The following ZMIZ1 variants were observed in gnomAD, a reference collection of about 807,000 sequenced individuals.
The protein encoded by ZMIZ1 is zinc finger MIZ domain-containing protein 1.
ZMIZ1 carries 17 observed loss-of-function variants against 113.9 expected under a neutral mutation model. The ratio of observed to expected loss-of-function variants is 0.15; its 90% CI spans 0.10 to 0.22. The LOEUF is 0.22. Ranked by LOEUF, ZMIZ1 falls within the 10% of genes least tolerant of loss-of-function variation. The pLI, the probability that ZMIZ1 is intolerant of heterozygous loss-of-function variation, is 1.00. For missense variants in ZMIZ1, 1,059 were observed against 1,477.8 expected (o/e 0.72, Z 4.65); for synonymous variants, 607 against 603.1 (o/e 1.01, Z -0.09).
rs1844169962 is a variant in ZMIZ1, at chr10:79,118,895, C to T, written c.-336-20C>T. On this transcript the variant is annotated intron_variant, in intron 1 of 24. Transcript: ENST00000334512. This position sits in a 1 kb window ranked among gnomAD's most constrained non-coding sequence, Gnocchi z 4.1. ...GGGTCAGAGCTTGGAGCTCACTGCC[C>T]CCTTTCTTGTCTCCCATAGGACTCA... 6.6e-6 allele frequency: 1 copy of T among 152,330 alleles called. No homozygotes were observed. Among genetic ancestry groups the T allele is most frequent in the Non-Finnish European group, 1.5e-5 (1 of 68,050 alleles). 9.4% of individuals were successfully genotyped at this position (152,330 alleles called of 1,614,324 possible). A position where few individuals can be genotyped will look rare whatever the true frequency, so the allele number is the denominator to read the frequency against.
intron 1 of ZMIZ1, among the ~76,000 whole-genome samples, chr10:79,108,915 GCACCC>G (rs1420922340): frequency 1.7e-4 from 26 of 152,018 alleles, no homozygotes; most frequent in African/African-American, 6.3e-4. Context: ...GCACATGCAT[GCACCC>G]AGACCCACGC....
intron 3 of ZMIZ1, among the ~76,000 whole-genome samples, chr10:79,148,763 C>G (rs1845594893): frequency 6.6e-6 from 1 of 152,210 alleles, no homozygotes; most frequent in African/African-American, 2.4e-5. Flanking sequence ...CTTGTAGTTC[C>G]TCCTGGGACA....
chr10:79,094,954 GA>G (rs763911221), intron 1 of ZMIZ1, among the ~76,000 whole-genome samples: 661 of 139,506 alleles, frequency 4.7e-3, no homozygotes, highest in African/African-American at 9.3e-3. Flanking sequence ...GCCCCTCCTG[GA>G]AAAAAAAAAA....
rs141930907 is a variant in ZMIZ1 at position 79,192,762 on chromosome 10, C to T, written c.-49-8822C>T. Among the ~76,000 whole-genome samples the T allele has an allele frequency of 1.5e-3, 230 of 152,340 alleles. 2 individuals carry two copies. The highest frequency in any genetic ancestry group is 5.4e-3 in the African/African-American group (225 of 41,578). ...TGCAGGCTCAGGAAGGTGAAATACC[C>T]TCCCACAACCTCATAGCCAGGAGGT... On this transcript the variant is annotated intron_variant, in intron 4 of 24. Coordinates refer to ENST00000334512, the MANE Select transcript of ZMIZ1 (RefSeq NM_020338.4).
rs761864817 is a variant in ZMIZ1 at position 79,312,683 on chromosome 10, T to C, written c.3138T>C (p.Tyr1046=). 5.0e-6 allele frequency: 8 copies of C among 1,614,222 alleles called. No individual in the cohort carries two copies. The South Asian group carries it at 7.7e-5, about 16-fold the overall frequency. ...CAAATCCTGACGAGCTCCTGTCTTA[T>C]CTGGACCCCCCCGACCTGCCGAGCA... The part of the protein sequence containing the change: ...ELTNPDELLS[Y]LDPPDLPSNS... The change falls in exon 25 of 25, where the codon TAT becomes TAC. Residue 1046 remains tyrosine, a synonymous_variant. Transcript: ENST00000334512.
intron 2 of ZMIZ1, among the ~76,000 whole-genome samples, chr10:79,128,288 C>T (rs1249345304): frequency 6.6e-6 from 1 of 152,202 alleles, no homozygotes; most frequent in Admixed American, 6.5e-5. Context: ...CTAGTACTCA[C>T]CTCTCCCTGC....
At chr10:79,155,100 C>T (rs1374293785) in intron 3 of ZMIZ1, among the ~76,000 whole-genome samples, 1 of 152,188 alleles carries the variant, frequency 6.6e-6, no homozygotes, top group Non-Finnish European at 1.5e-5. Flanking sequence ...AGAGCTGAGG[C>T]CTCTCTGATG....
At chr10:79,255,122 G>C (rs574542456) in intron 7 of ZMIZ1, among the ~76,000 whole-genome samples, 7 of 152,176 alleles carry the variant, frequency 4.6e-5, no homozygotes, top group African/African-American at 1.4e-4. Flanking sequence ...GAGGAGGTTC[G>C]GGTTTCTGCC....
At chr10:79,244,935 GGAAGGGTGAC>G (rs1850100919) in intron 7 of ZMIZ1, among the ~76,000 whole-genome samples, 1 of 152,152 alleles carries the variant, frequency 6.6e-6, no homozygotes, top group African/African-American at 2.4e-5. Flanking sequence ...GGGGTTGCGT[GGAAGGGTGAC>G]TCTTGGAGTC....
intron 6 of ZMIZ1, among the ~76,000 whole-genome samples, chr10:79,209,134 G>A (rs1848446069): frequency 1.3e-5 from 2 of 151,978 alleles, no homozygotes; most frequent in Non-Finnish European, 2.9e-5. Flanking sequence ...CCATGGGCAG[G>A]AGTCTGCAAA....
intron 22 of ZMIZ1, among the ~76,000 whole-genome samples, chr10:79,306,965 C>T (rs561672087): frequency 9.8e-5 from 15 of 152,326 alleles, no homozygotes; most frequent in Admixed American, 2.0e-4. Flanking sequence ...ACCAGGGAGG[C>T]GGAACAGCTG....
At chr10:79,260,472 G>A (rs566690063) in intron 7 of ZMIZ1, among the ~76,000 whole-genome samples, 6 of 152,304 alleles carry the variant, frequency 3.9e-5, no homozygotes, top group South Asian at 2.1e-4. Flanking sequence ...TGTCCAGGAC[G>A]AGAACCTTCC....
intron 3 of ZMIZ1, among the ~76,000 whole-genome samples, chr10:79,146,389 C>T (rs1336432414): frequency 6.6e-6 from 1 of 152,196 alleles, no homozygotes; most frequent in Non-Finnish European, 1.5e-5. Flanking sequence ...AAGGCAGAGC[C>T]GCTCCTGCTG....
chr10:79,114,277 A>G (rs1564658106), intron 1 of ZMIZ1, among the ~76,000 whole-genome samples: 1 of 152,242 alleles, frequency 6.6e-6, no homozygotes, highest in Non-Finnish European at 1.5e-5. Flanking sequence ...TCAATAATTT[A>G]ATACGCTCTC....
In ZMIZ1 at chr10:79,213,885, A is replaced by C. The variant is rs140891787; in HGVS notation, c.175-2284A>C. 3.6e-3 allele frequency among the ~76,000 whole-genome samples: 541 copies of C among 152,270 alleles called. 6 individuals carry two copies. Among genetic ancestry groups the C allele is most frequent in the African/African-American group, 0.012 (509 of 41,548 alleles). ...AATACCTATCTCGTGGAGCTGCTGA[A>C]AGAATTTGCACTTTGTTGCATACAA... On this transcript the variant is annotated intron_variant, in intron 6 of 24. Coordinates refer to ENST00000334512, the MANE Select transcript of ZMIZ1 (RefSeq NM_020338.4).
At chr10:79,307,009 C>T (rs1335937168) in intron 22 of ZMIZ1, among the ~76,000 whole-genome samples, 2 of 152,222 alleles carry the variant, frequency 1.3e-5, no homozygotes, top group East Asian at 3.9e-4. Context: ...TCTGCTGCAG[C>T]TTTCTTTGTG....
intron 1 of ZMIZ1, among the ~76,000 whole-genome samples, chr10:79,094,775 C>A (rs1843115922): frequency 6.6e-6 from 1 of 152,166 alleles, no homozygotes; most frequent in Non-Finnish European, 1.5e-5. Flanking sequence ...ACAGTGAAAC[C>A]CTGTCTTTAC....
In ZMIZ1 at chr10:79,215,611, T is replaced by C. The variant is rs78444303; in HGVS notation, c.175-558T>C. ...ACCACACCTGGCCTAAATCACTGCT[T>C]TAGATGAGATGCATGCTGACTCGGA... On this transcript the variant is annotated intron_variant, in intron 6 of 24. Coordinates refer to ENST00000334512, the MANE Select transcript of ZMIZ1 (RefSeq NM_020338.4). Among the ~76,000 whole-genome samples the C allele has an allele frequency of 7.5e-3, 1,147 of 152,120 alleles. 12 individuals carry two copies. Among genetic ancestry groups the C allele is most frequent in the African/African-American group, 0.026 (1,081 of 41,514 alleles).
At chr10:79,162,205 AGCCCTAGCAC>A (rs1368674897) in intron 4 of ZMIZ1, 72 bp downstream of exon 4, 1 of 398,552 alleles carries the variant, frequency 2.5e-6, no homozygotes, top group Admixed American at 4.4e-5. Context: ...GGCAGGTGCT[AGCCCTAGCAC>A]GCTGGACCTT....
Sources: allele counts gnomAD v4.1 joint callset (sites outside exome capture counted in the v4.1 genomes callset), GRCh38; gene constraint gnomAD v4.1.1; non-coding constraint Gnocchi (gnomAD v3.1); transcripts MANE v1.5; gene names NCBI Gene and HGNC (gene_info 2026-07-23, HGNC 2026-07-21).